The following GPR176 variants were observed in gnomAD, a reference collection of about 807,000 sequenced individuals.
The protein encoded by GPR176 is G protein-coupled receptor 176, also known as G-protein coupled receptor 176.
GPR176 carries 26 observed loss-of-function variants against 35.4 expected under a neutral mutation model. The ratio of observed to expected loss-of-function variants is 0.74; its 90% confidence interval spans 0.54 to 1.02. The LOEUF is 1.02. GPR176 is among the 50% of genes least tolerant of loss of function. The pLI, the probability that GPR176 is intolerant of heterozygous loss-of-function variation, is 0.00. For missense variants in GPR176, 597 were observed against 665.3 expected, an observed-to-expected ratio of 0.90 and a Z score of 1.13; for synonymous variants, 278 against 271.3, an observed-to-expected ratio of 1.02 and a Z score of -0.24.
intron 1 of GPR176, among the ~76,000 whole-genome samples, chr15:39,894,156 G>A (rs1229955707): frequency 2.6e-5 from 3 of 115,504 alleles, no homozygotes; most frequent in Non-Finnish European, 5.5e-5. Flanking sequence ...CCTCCCTCCC[G>A]GATGGGGCGG....
At chr15:39,823,238 A>G (rs1315287194) in intron 1 of GPR176, among the ~76,000 whole-genome samples, 1 of 152,192 alleles carries the variant, frequency 6.6e-6, no homozygotes, top group Non-Finnish European at 1.5e-5. Context: ...CCAAATATCC[A>G]TAAGCCAACC....
Position 39,801,492 on chromosome 15 carries a change from G to A in GPR176, c.1188C>T (p.Gly396=). Residue 396 remains glycine, a synonymous_variant, in exon 3 of 3, where the codon GGC becomes GGT. Transcript: ENST00000561100. ...DEEESEAKYI[G]SADFQAKEIF... ...TCTCCTTGGCCTGGAAGTCAGCTGA[G>A]CCAATGTACTTGGCCTCACTCTCTT... 6.2e-7 allele frequency: 1 copy of A among 1,614,174 alleles called. No individual in the cohort carries two copies. Among genetic ancestry groups the A allele is most frequent in the East Asian group, 2.2e-5 (1 of 44,882 alleles).
At chr15:39,808,667 G>A (rs1479554294) in intron 1 of GPR176, among the ~76,000 whole-genome samples, 1 of 152,150 alleles carries the variant, frequency 6.6e-6, no homozygotes, top group Non-Finnish European at 1.5e-5. Context: ...CTTGTTCACT[G>A]TTGTAACTCC....
At chr15:39,841,819 A>G (rs2030015534) in intron 1 of GPR176, among the ~76,000 whole-genome samples, 1 of 152,202 alleles carries the variant, frequency 6.6e-6, no homozygotes, top group African/African-American at 2.4e-5. Context: ...ACGAGGCTAC[A>G]TGACCAAATG....
intron 1 of GPR176, among the ~76,000 whole-genome samples, chr15:39,833,241 GAAACAACTC>G (rs1339786999): frequency 6.6e-6 from 1 of 152,096 alleles, no homozygotes; most frequent in African/African-American, 2.4e-5. Context: ...CCAAAGAGCA[GAAACAACTC>G]AAATGTTCAT....
chr15:39,809,352 C>A (rs1779635236), intron 1 of GPR176, among the ~76,000 whole-genome samples: 1 of 152,030 alleles, frequency 6.6e-6, no homozygotes, highest in South Asian at 2.1e-4. Flanking sequence ...TACCCAATAC[C>A]CATTTGGTTA....
chr15:39,856,757 C>G (rs1225194588), intron 1 of GPR176, among the ~76,000 whole-genome samples: 1 of 152,236 alleles, frequency 6.6e-6, no homozygotes, highest in Admixed American at 6.5e-5. Flanking sequence ...TCTAATCACA[C>G]TCAATGGGAT....
chr15:39,845,692 T>G (rs2030371736), intron 1 of GPR176, among the ~76,000 whole-genome samples: 1 of 151,936 alleles, frequency 6.6e-6, no homozygotes, highest in African/African-American at 2.4e-5. Context: ...GAGGAGATAT[T>G]TGAATTGAGA....
intron 1 of GPR176, among the ~76,000 whole-genome samples, chr15:39,899,863 T>C (rs1195140975): frequency 6.6e-6 from 1 of 152,218 alleles, no homozygotes; most frequent in African/African-American, 2.4e-5. Context: ...ACTGGCTTAA[T>C]GATCATCCCC....
At chr15:39,828,544 GT>G (rs1900839043) in intron 1 of GPR176, among the ~76,000 whole-genome samples, 1 of 152,178 alleles carries the variant, frequency 6.6e-6, no homozygotes, top group Non-Finnish European at 1.5e-5. Context: ...TTGCCAAGGG[GT>G]CAAAGAATCA....
At chr15:39,850,136 A>C (rs1166729) in intron 1 of GPR176, among the ~76,000 whole-genome samples, 1 of 151,942 alleles carries the variant, frequency 6.6e-6, no homozygotes, top group African/African-American at 2.4e-5. Context: ...GTAGGTAAGC[A>C]GTGAGTGAAT....
At chr15:39,910,836 G>T (rs957320205) in intron 1 of GPR176, among the ~76,000 whole-genome samples, 3 of 151,628 alleles carry the variant, frequency 2.0e-5, no homozygotes, top group African/African-American at 4.9e-5. Context: ...TCAGTAGTTC[G>T]GGACCAGCCT....
chr15:39,899,941 A>G (rs2033226341), intron 1 of GPR176, among the ~76,000 whole-genome samples: 1 of 152,166 alleles, frequency 6.6e-6, no homozygotes, highest in African/African-American at 2.4e-5. Flanking sequence ...AAGATTTCCA[A>G]CCTTCTCTTC....
chr15:39,821,304 T>C (rs1229525011), intron 1 of GPR176, among the ~76,000 whole-genome samples: 1 of 152,228 alleles, frequency 6.6e-6, no homozygotes, highest in Non-Finnish European at 1.5e-5. Context: ...TTTTCTATCC[T>C]GGGAAAGATC....
chr15:39,846,596 T>C (rs569423655), intron 1 of GPR176, among the ~76,000 whole-genome samples: 1 of 152,230 alleles, frequency 6.6e-6, no homozygotes, highest in Non-Finnish European at 1.5e-5. Flanking sequence ...ACGACAGAAA[T>C]GACATCTTAC....
intron 1 of GPR176, among the ~76,000 whole-genome samples, chr15:39,917,065 T>C (rs2033744434): frequency 2.0e-5 from 3 of 152,116 alleles, no homozygotes; most frequent in Admixed American, 2.0e-4. Context: ...GTTGATCACC[T>C]GAGGTCAGGA....
intron 1 of GPR176, among the ~76,000 whole-genome samples, chr15:39,832,664 C>CACAA (rs1555405051): frequency 6.6e-6 from 1 of 151,488 alleles, no homozygotes. Flanking sequence ...AACACACACA[C>CACAA]ACACACACAC....
rs118042523 is a variant in GPR176 at position 39,849,359 on chromosome 15, G to T, written c.173-42101C>A. On this transcript the variant is annotated intron_variant, in intron 1 of 2. Coordinates refer to ENST00000561100, the MANE Select transcript of GPR176 (RefSeq NM_007223.3). Reference sequence around the variant, plus strand: ...GTGTTACTGGAGAATTCTACTAAACGTTTCAAGAAGAATTAACACCAATTC... The same window carrying T: ...GTGTTACTGGAGAATTCTACTAAACTTTTCAAGAAGAATTAACACCAATTC... Among the ~76,000 whole-genome samples, 374 of 152,114 alleles carry T rather than the reference G, an allele frequency of 2.5e-3. 1 individual carries two copies. Among genetic ancestry groups the T allele is most frequent in the Non-Finnish European group, 3.8e-3 (259 of 67,978 alleles).
At chr15:39,899,850 A>G (rs1479863687) in intron 1 of GPR176, among the ~76,000 whole-genome samples, 1 of 152,222 alleles carries the variant, frequency 6.6e-6, no homozygotes, top group Non-Finnish European at 1.5e-5. Flanking sequence ...GAATGCATTC[A>G]TAACTGGCTT....
Sources: allele counts gnomAD v4.1 joint callset (sites outside exome capture counted in the v4.1 genomes callset), GRCh38; gene constraint gnomAD v4.1.1; transcripts MANE v1.5; gene names NCBI Gene and HGNC (gene_info 2026-07-23, HGNC 2026-07-21).